AGBL4: variants seen among roughly 807,000 people sequenced by gnomAD.
AGBL4 encodes the protein cytosolic carboxypeptidase 6.
AGBL4 carries 58 observed loss-of-function variants against 66.4 expected under a neutral mutation model. The observed-to-expected ratio is 0.87, with a 90% CI of 0.71 to 1.09. AGBL4 has a LOEUF of 1.09. AGBL4 is among the 50% of genes least tolerant of loss of function. AGBL4 has a pLI of 0.00. For synonymous variants in AGBL4, 234 were observed against 222.9 expected (o/e 1.05, Z -0.44); for missense variants, 579 against 631.0 (o/e 0.92, Z 0.88).
chr1:49,915,943 C>A (rs1040770427), intron 1 of AGBL4, among the ~76,000 whole-genome samples: 7 of 152,178 alleles, frequency 4.6e-5, no homozygotes, highest in Non-Finnish European at 8.8e-5. Context: ...CACTGTTCTA[C>A]AGCCTCCGCT....
intron 8 of AGBL4, among the ~76,000 whole-genome samples, chr1:48,651,310 T>C (rs1645926371): frequency 6.6e-6 from 1 of 152,130 alleles, no homozygotes; most frequent in Non-Finnish European, 1.5e-5. Flanking sequence ...GTAGAAAGCA[T>C]GTAGCCCTCA....
intron 1 of AGBL4, among the ~76,000 whole-genome samples, chr1:49,901,118 T>C (rs1462566814): frequency 1.3e-5 from 2 of 152,220 alleles, no homozygotes; most frequent in Admixed American, 6.5e-5. Context: ...GCATTCCACC[T>C]TGAACAGTGG....
At chr1:48,913,707 C>A (rs1653348346) in intron 5 of AGBL4, among the ~76,000 whole-genome samples, 1 of 152,184 alleles carries the variant, frequency 6.6e-6, no homozygotes, top group African/African-American at 2.4e-5. Flanking sequence ...TATTTCATTA[C>A]ATGTTACAAA....
intron 6 of AGBL4, among the ~76,000 whole-genome samples, chr1:48,673,087 C>A (rs929843392): frequency 3.9e-5 from 6 of 152,128 alleles, no homozygotes; most frequent in Non-Finnish European, 8.8e-5. Context: ...TTGACATTCC[C>A]AAGGGGAAAT....
chr1:49,307,861 T>C (rs1644875372), intron 3 of AGBL4, among the ~76,000 whole-genome samples: 1 of 152,210 alleles, frequency 6.6e-6, no homozygotes, highest in Non-Finnish European at 1.5e-5. Flanking sequence ...AATTACTTTA[T>C]GTTTAATTCA....
chr1:48,818,409 G>T (rs1558016278), intron 6 of AGBL4, among the ~76,000 whole-genome samples: 1 of 152,036 alleles, frequency 6.6e-6, no homozygotes. Flanking sequence ...TTGCTTTTTT[G>T]GTCTGGGAGG....
chr1:49,135,237 GATATATAAA>G (rs1468289043), intron 4 of AGBL4, among the ~76,000 whole-genome samples: 1 of 152,020 alleles, frequency 6.6e-6, no homozygotes, highest in Non-Finnish European at 1.5e-5. Flanking sequence ...AAACTATAAT[GATATATAAA>G]ATGTTTGTGG....
chr1:48,525,140 C>T, the AGBL4 span, among the ~76,000 whole-genome samples: 6 of 152,132 alleles, frequency 3.9e-5, no homozygotes, highest in African/African-American at 7.2e-5. Flanking sequence ...GGCTCTTGGG[C>T]CCCATAAATG....
At chr1:49,485,179 T>C (rs1398679648) in intron 3 of AGBL4, among the ~76,000 whole-genome samples, 1 of 151,900 alleles carries the variant, frequency 6.6e-6, no homozygotes, top group African/African-American at 2.4e-5. Context: ...GTGGCACTAT[T>C]CACAATAGCA....
chr1:48,925,691 T>G (rs944580330), intron 5 of AGBL4, among the ~76,000 whole-genome samples: 7 of 152,186 alleles, frequency 4.6e-5, no homozygotes, highest in Non-Finnish European at 1.0e-4. Context: ...TGCAATTCTT[T>G]TTTTGAATAT....
chr1:48,603,888 C>G (rs2148368418), intron 9 of AGBL4, among the ~76,000 whole-genome samples: 1 of 152,062 alleles, frequency 6.6e-6, no homozygotes, highest in East Asian at 1.9e-4. Flanking sequence ...GGTGGATCAC[C>G]TGAGGTCAGG....
chr1:49,786,080 G>A (rs1644447939), intron 2 of AGBL4, among the ~76,000 whole-genome samples: 1 of 151,700 alleles, frequency 6.6e-6, no homozygotes, highest in Non-Finnish European at 1.5e-5. Context: ...AGAAAACAAA[G>A]GGAAATGTTT....
At chr1:49,547,077 C>T (rs908440137) in intron 3 of AGBL4, among the ~76,000 whole-genome samples, 2 of 152,188 alleles carry the variant, frequency 1.3e-5, no homozygotes, top group African/African-American at 2.4e-5. Context: ...AAATCCTTCC[C>T]TAAGCCAATG....
intron 3 of AGBL4, among the ~76,000 whole-genome samples, chr1:49,249,106 C>T (rs180883353): frequency 1.4e-4 from 21 of 152,270 alleles, no homozygotes; most frequent in African/African-American, 4.3e-4. Flanking sequence ...GAACAGCCTG[C>T]GTGCAGTCCT....
intron 2 of AGBL4, among the ~76,000 whole-genome samples, chr1:49,801,482 T>C (rs904206685): frequency 5.3e-5 from 8 of 152,200 alleles, no homozygotes; most frequent in South Asian, 2.1e-4. Context: ...ATGTTTGTGA[T>C]TATATTGTTA....
chr1:49,395,172 C>T (rs1644932506), intron 3 of AGBL4, among the ~76,000 whole-genome samples: 1 of 152,120 alleles, frequency 6.6e-6, no homozygotes, highest in Admixed American at 6.5e-5. Flanking sequence ...AATATGCACA[C>T]ACATTAAGGG....
chr1:49,886,030 T>C (rs532984963), intron 1 of AGBL4, among the ~76,000 whole-genome samples: 45 of 152,294 alleles, frequency 3.0e-4, no homozygotes, highest in Middle Eastern at 3.4e-3. Context: ...TGGCTCATTT[T>C]TCCCTGAAAG....
chr1:49,877,130 C>G (rs1282351993), intron 1 of AGBL4, among the ~76,000 whole-genome samples: 1 of 151,450 alleles, frequency 6.6e-6, no homozygotes, highest in Non-Finnish European at 1.5e-5. Flanking sequence ...TTCCTCTTTT[C>G]CTAATTGAAT....
At chr1:49,956,654 T>G (rs146297116) in intron 1 of AGBL4, among the ~76,000 whole-genome samples, 2 of 151,860 alleles carry the variant, frequency 1.3e-5, no homozygotes, top group African/African-American at 4.8e-5. Context: ...ATTTAAAACA[T>G]AAGGTTCAAA....
Sources: gnomAD v4.1 joint callset for allele counts (sites outside exome capture counted in the v4.1 genomes callset) on GRCh38, gnomAD v4.1.1 for gene constraint, MANE v1.5 for transcripts, NCBI Gene and HGNC (gene_info 2026-07-23, HGNC 2026-07-21) for gene names.